COL9A3: variants seen among roughly 807,000 people sequenced by gnomAD.
COL9A3 encodes collagen alpha-3(IX) chain.
Under a neutral mutation model 110.2 loss-of-function variants are expected in COL9A3, and 82 were observed. That is an observed-to-expected ratio of 0.74 (90% CI 0.62 to 0.89). COL9A3 has a LOEUF of 0.89. COL9A3 is among the 40% of genes least tolerant of loss of function. COL9A3 has a pLI of 0.00. For missense variants in COL9A3, 1,066 were observed against 981.3 expected (o/e 1.09, Z -1.15); for synonymous variants, 494 against 403.8 (o/e 1.22, Z -2.68).
chr20:62,827,219 T>C, intron 15 of COL9A3, 22 bp from the exon 16 acceptor site: 1 of 1,613,036 alleles, frequency 6.2e-7, no homozygotes, highest in Non-Finnish European at 8.5e-7. Flanking sequence ...ACTCTGTCCC[T>C]GCCCCACCTC....
At chr20:62,823,891 C>A (rs2147204143) in intron 10 of COL9A3, among the ~76,000 whole-genome samples, 1 of 152,358 alleles carries the variant, frequency 6.6e-6, no homozygotes, top group Non-Finnish European at 1.5e-5. Context: ...GCCGGCTGCT[C>A]CATGCAGCCC....
chr20:62,819,155 C>T, intron 3 of COL9A3, 67 bp from the exon 4 acceptor site: 8 of 1,491,792 alleles, frequency 5.4e-6, no homozygotes, highest in Non-Finnish European at 7.4e-6. Flanking sequence ...CATTTTGCTT[C>T]ATTGCTGAAG....
chr20:62,824,919 G>C (rs777813580), intron 11 of COL9A3, 49 bp from the exon 12 acceptor site: 4 of 1,570,188 alleles, frequency 2.5e-6, no homozygotes, highest in South Asian at 1.2e-5. Flanking sequence ...TGCCAGGGAG[G>C]GGGTGTCGGG....
At chr20:62,839,085 C>T (rs942144129) in intron 31 of COL9A3, among the ~76,000 whole-genome samples, 26 of 152,132 alleles carry the variant, frequency 1.7e-4, no homozygotes, top group African/African-American at 5.8e-4. Context: ...ATGAGCCGGG[C>T]GTGGTGGCGG....
At position 62,826,134 on chromosome 20, in the gene COL9A3, C is replaced by T. The variant is rs958951949; in HGVS notation, c.685-70C>T. The T allele has an allele frequency of 2.4e-5, 36 of 1,492,476 alleles. No homozygotes were observed. In the Admixed American group the frequency reaches 6.9e-4, roughly 29 times the overall value. The allele number at this position is 1,492,476 out of a possible 1,614,324, so 92.5% of individuals were successfully genotyped here. A position where few individuals can be genotyped will look rare whatever the true frequency, so the allele number is the denominator to read the frequency against. On this transcript the variant is annotated intron_variant, in intron 13 of 31. Coordinates refer to ENST00000649368, the MANE Select transcript of COL9A3 (RefSeq NM_001853.4). ...AGGGCTCCCAGGGGTACCCCGAGGGCCTTGGCCCTGGGTGCTCCCCGGGGT... is the reference window on the plus strand; with the variant it reads ...AGGGCTCCCAGGGGTACCCCGAGGGTCTTGGCCCTGGGTGCTCCCCGGGGT...
At chr20:62,840,447 A>G in intron 31 of COL9A3, 95 bp from the exon 32 acceptor site, 1 of 1,148,520 alleles carries the variant, frequency 8.7e-7, no homozygotes, top group Non-Finnish European at 1.3e-6. Context: ...AAGAGTGAGC[A>G]GATGGAAGAG....
chr20:62,829,336 GCC>G, intron 19 of COL9A3, 117 bp from the exon 20 acceptor site: 1 of 1,344,206 alleles, frequency 7.4e-7, no homozygotes, highest in Admixed American at 2.1e-5. Context: ...GGAGAAGTTG[GCC>G]CTGCCTTTGG....
At chr20:62,822,285 C>G in intron 9 of COL9A3, 121 bp downstream of exon 9, 1 of 763,470 alleles carries the variant, frequency 1.3e-6, no homozygotes, top group Non-Finnish European at 2.4e-6. Flanking sequence ...CCTAACTTGG[C>G]CACTCCCAGG....
chr20:62,840,125 C>T (rs2063664666), intron 31 of COL9A3, among the ~76,000 whole-genome samples: 1 of 152,074 alleles, frequency 6.6e-6, no homozygotes, highest in East Asian at 1.9e-4. Flanking sequence ...CTCTGACACC[C>T]CCCACTTAGG....
intron 8 of COL9A3, 69 bp from the exon 9 acceptor site, chr20:62,822,042 G>C: frequency 1.0e-6 from 1 of 982,380 alleles, no homozygotes. Flanking sequence ...CCACCTCCCT[G>C]GGAGAAGCCG....
At chr20:62,834,382 T>A (rs1469302435) in intron 26 of COL9A3, among the ~76,000 whole-genome samples, 1 of 152,234 alleles carries the variant, frequency 6.6e-6, no homozygotes, top group African/African-American at 2.4e-5. Context: ...AAAATTACGT[T>A]CTTGTTTGAG....
rs112769858 is a variant in COL9A3 at position 62,829,808 on chromosome 20, C to T, written c.1150C>T (p.Arg384Trp). Residue 384 changes from arginine to tryptophan, a missense_variant, in exon 22 of 32, where the codon CGG becomes TGG. By Grantham distance (101) the Arg-to-Trp change is moderately radical. Transcript: ENST00000649368. The stretch of plus-strand genomic sequence containing the variant: ...TGGGGAGCGCGGTGAGGCTGGCCAC[C>T]GGGGCTCAGCGGTGAGTGCAGGGAC... ...MPGERGEAGH[R>W]GSAGALGPQG... The T allele has an allele frequency of 1.7e-5, 26 of 1,572,106 alleles. No homozygotes were observed. The highest frequency in any genetic ancestry group is 1.5e-4 in the Admixed American group (8 of 53,756).
Position 62,827,909 on chromosome 20 carries a change from T to C in COL9A3, c.847-14T>C. 1.9e-6 allele frequency: 3 copies of C among 1,612,828 alleles called. No homozygotes were observed. In the South Asian group the frequency reaches 3.3e-5, roughly 18 times the overall value. ...AGAGACTGCCACTGCTTCTGTCACT[T>C]GTGTGTCCTCTAGGGCAGACCTGGT... On this transcript the variant is annotated splice_polypyrimidine_tract_variant and intron_variant, in intron 16 of 31. Transcript: ENST00000649368.
chr20:62,837,061 C>T lies in COL9A3; in HGVS notation c.1604-22C>T, dbSNP rs73157316. 60,060 of 1,611,500 alleles carry T rather than the reference C, an allele frequency of 0.037. 1,452 individuals are homozygous for T. Among genetic ancestry groups the T allele is most frequent in the Non-Finnish European group, 0.047 (55,453 of 1,179,794 alleles). On this transcript the variant is annotated intron_variant, in intron 29 of 31. Coordinates refer to ENST00000649368, the MANE Select transcript of COL9A3 (RefSeq NM_001853.4). The stretch of plus-strand genomic sequence containing the variant: ...TGATGATCCTCTCTCGAGTAAACGC[C>T]TGCACCCTTGTTTTCCCAAAGAACA...
intron 12 of COL9A3, 43 bp downstream of exon 12, chr20:62,825,064 A>G (rs1298272094): frequency 1.5e-6 from 2 of 1,373,040 alleles, no homozygotes; most frequent in East Asian, 3.0e-5. Context: ...TGGGGACTGG[A>G]GGCTGGGCTC....
At chr20:62,825,780 G>C (rs750722630) in intron 12 of COL9A3, 37 bp from the exon 13 acceptor site, 1 of 1,549,608 alleles carries the variant, frequency 6.5e-7, no homozygotes, top group South Asian at 1.2e-5. Context: ...AGGAGAGCCA[G>C]ACTGGGCCGC....
At chr20:62,826,311 T>G (rs2063551926) in intron 14 of COL9A3, 54 bp downstream of exon 14, 1 of 1,490,510 alleles carries the variant, frequency 6.7e-7, no homozygotes, top group African/African-American at 1.4e-5. Flanking sequence ...GGCCTGGTTG[T>G]CTGCACCTCC....
At chr20:62,825,211 CCGTTTCA>C (rs2063543118) in intron 12 of COL9A3, among the ~76,000 whole-genome samples, 190 bp downstream of exon 12, 1 of 150,614 alleles carries the variant, frequency 6.6e-6, no homozygotes. Context: ...TGGGGAGGGA[CCGTTTCA>C]TGGGTGCACC....
intron 2 of COL9A3, chr20:62,817,930 G>A: frequency 2.0e-6 from 1 of 511,546 alleles, no homozygotes; most frequent in Non-Finnish European, 3.8e-6. Context: ...CTGGCCTCTG[G>A]CTGAAGTGGG....
Sources: gnomAD v4.1 joint callset for allele counts (sites outside exome capture counted in the v4.1 genomes callset) on GRCh38, gnomAD v4.1.1 for gene constraint, MANE v1.5 for transcripts, NCBI Gene and HGNC (gene_info 2026-07-23, HGNC 2026-07-21) for gene names.